TENM1: variants seen among roughly 807,000 people sequenced by gnomAD.
TENM1 encodes the protein teneurin-1.
TENM1 carries 35 observed loss-of-function variants against 174.8 expected under a neutral mutation model. The ratio of observed to expected loss-of-function variants is 0.20; its 90% CI spans 0.15 to 0.27. TENM1 has a LOEUF of 0.27. Among genes scored for constraint, TENM1 ranks in the 10% least tolerant of loss-of-function variants. The pLI, the probability that TENM1 is intolerant of heterozygous loss-of-function variation, is 1.00. For synonymous variants in TENM1, 781 were observed against 798.7 expected (o/e 0.98, Z 0.37); for missense variants, 1,633 against 2,130.1 (o/e 0.77, Z 4.59).
At chrX:124,962,557 T>C (rs950891989) in intron 1 of TENM1, among the ~76,000 whole-genome samples, 5 of 112,223 alleles carry the variant, frequency 4.5e-5, no homozygotes, top group African/African-American at 1.6e-4. Flanking sequence ...CGGTGGCTCA[T>C]GCCTATAATC....
At chrX:124,408,435 C>A (rs907705627) in intron 25 of TENM1, among the ~76,000 whole-genome samples, 1 of 111,694 alleles carries the variant, frequency 9.0e-6, no homozygotes, top group African/African-American at 3.3e-5. Flanking sequence ...TGAGCCACCA[C>A]GCCCGGCCCA....
At chrX:125,181,827 C>G in the TENM1 span, among the ~76,000 whole-genome samples, 2 of 110,975 alleles carry the variant, frequency 1.8e-5, no homozygotes, top group East Asian at 5.7e-4. Context: ...ATATGGATAT[C>G]TAGAAAAAAT....
chrX:124,935,967 T>C (rs776865223), intron 1 of TENM1, among the ~76,000 whole-genome samples: 5 of 111,890 alleles, frequency 4.5e-5, no homozygotes, highest in African/African-American at 1.6e-4. Context: ...CACTTGCCTC[T>C]AGCTTCACCT....
intron 23 of TENM1, among the ~76,000 whole-genome samples, chrX:124,449,807 T>C (rs1362756249): frequency 4.5e-5 from 5 of 111,676 alleles, no homozygotes; most frequent in Non-Finnish European, 7.5e-5. Flanking sequence ...TAGTTGACTA[T>C]ATATGAACAT....
the TENM1 span, among the ~76,000 whole-genome samples, chrX:125,015,763 G>A: frequency 1.8e-5 from 2 of 111,631 alleles, no homozygotes; most frequent in South Asian, 3.7e-4. Flanking sequence ...AGGGCATTGC[G>A]TAGAATGAGA....
At chrX:125,173,862 C>A in the TENM1 span, among the ~76,000 whole-genome samples, 1 of 111,605 alleles carries the variant, frequency 9.0e-6, no homozygotes, top group Non-Finnish European at 1.9e-5. Flanking sequence ...CTGCTATGGG[C>A]AAGGCCACAT....
intron 11 of TENM1, among the ~76,000 whole-genome samples, chrX:124,595,112 T>A (rs1464295728): frequency 8.9e-6 from 1 of 112,442 alleles, no homozygotes; most frequent in Non-Finnish European, 1.9e-5. Flanking sequence ...TTGTCAATTA[T>A]CTTCTTGGGA....
At chrX:124,736,437 A>G (rs1410038972) in intron 4 of TENM1, among the ~76,000 whole-genome samples, 1 of 111,238 alleles carries the variant, frequency 9.0e-6, no homozygotes, top group Non-Finnish European at 1.9e-5. Flanking sequence ...CTAAAGGCAG[A>G]ATTTAGTTTT....
At chrX:124,494,575 A>G (rs1481819916) in intron 20 of TENM1, among the ~76,000 whole-genome samples, 1 of 109,921 alleles carries the variant, frequency 9.1e-6, no homozygotes, top group African/African-American at 3.3e-5. Context: ...GGTTAGTTAC[A>G]TATGTATACA....
At chrX:124,453,132 A>G (rs771278827) in intron 23 of TENM1, among the ~76,000 whole-genome samples, 71 of 111,922 alleles carry the variant, frequency 6.3e-4, no homozygotes, top group African/African-American at 2.2e-3. Context: ...TCTACCTGAC[A>G]TTACTTCCAT....
intron 4 of TENM1, among the ~76,000 whole-genome samples, chrX:124,714,522 C>A (rs1460984182): frequency 1.8e-5 from 2 of 111,151 alleles, no homozygotes; most frequent in African/African-American, 6.5e-5. Context: ...AATTTGTTTT[C>A]AACTCTTAAA....
At chrX:124,844,953 ATGTAATATAC>A (rs748681862) in intron 3 of TENM1, among the ~76,000 whole-genome samples, 3 of 111,459 alleles carry the variant, frequency 2.7e-5, no homozygotes, top group African/African-American at 9.8e-5. Context: ...ATCACAGGCC[ATGTAATATAC>A]AATTTCTGGG....
At chrX:125,132,801 T>TA in the TENM1 span, among the ~76,000 whole-genome samples, 21 of 111,526 alleles carry the variant, frequency 1.9e-4, no homozygotes, top group African/African-American at 6.5e-4. Context: ...CCTTTGCCTT[T>TA]AGGGCCTAAT....
intron 1 of TENM1, among the ~76,000 whole-genome samples, chrX:124,940,573 T>C (rs2058311313): frequency 9.0e-6 from 1 of 111,296 alleles, no homozygotes; most frequent in Non-Finnish European, 1.9e-5. Flanking sequence ...ACAACCGAGA[T>C]TCTAACTTAT....
At chrX:125,004,808 GT>G in the TENM1 span, among the ~76,000 whole-genome samples, 8 of 110,885 alleles carry the variant, frequency 7.2e-5, no homozygotes, top group East Asian at 2.9e-4. Context: ...CATTTTCTAT[GT>G]TTTTTTCTTT....
intron 11 of TENM1, among the ~76,000 whole-genome samples, chrX:124,579,326 C>G (rs1323905321): frequency 8.9e-6 from 1 of 111,884 alleles, no homozygotes; most frequent in Non-Finnish European, 1.9e-5. Context: ...AGCTTGCATC[C>G]TTTGCTACAG....
At chrX:125,199,150 G>A in the TENM1 span, among the ~76,000 whole-genome samples, 2 of 109,569 alleles carry the variant, frequency 1.8e-5, no homozygotes, top group Non-Finnish European at 3.8e-5. Flanking sequence ...AAGGGTCATC[G>A]GCCTGTTAAG....
intron 11 of TENM1, among the ~76,000 whole-genome samples, chrX:124,573,491 A>C (rs2049101389): frequency 8.9e-6 from 1 of 111,930 alleles, no homozygotes; most frequent in African/African-American, 3.2e-5. Context: ...GAAATATTTC[A>C]TAATAATTTA....
intron 3 of TENM1, among the ~76,000 whole-genome samples, chrX:124,848,542 T>C (rs1334850878): frequency 9.0e-6 from 1 of 111,574 alleles, no homozygotes; most frequent in Non-Finnish European, 1.9e-5. Flanking sequence ...AAATATCAGA[T>C]AGCTTCCATT....
Sources: allele counts gnomAD v4.1 joint callset (sites outside exome capture counted in the v4.1 genomes callset), GRCh38; gene constraint gnomAD v4.1.1; transcripts MANE v1.5; gene names NCBI Gene and HGNC (gene_info 2026-07-23, HGNC 2026-07-21).